The following DLGAP4 variants were observed in gnomAD, a reference collection of about 807,000 sequenced individuals.
DLGAP4 encodes the protein DLG associated protein 4.
A neutral mutation model predicts 86.9 loss-of-function variants in DLGAP4; 18 were observed. The observed-to-expected ratio is 0.21, with a 90% confidence interval of 0.14 to 0.31. DLGAP4 has a LOEUF of 0.31. Among genes scored for constraint, DLGAP4 ranks in the 10% least tolerant of loss-of-function variants. The probability of loss-of-function intolerance (pLI) is 1.00; values close to 1 mark genes in which losing one functional copy is unlikely to be tolerated. For synonymous variants in DLGAP4, 548 were observed against 574.3 expected (o/e 0.95, Z 0.65); for missense variants, 1,085 against 1,362.6 (o/e 0.80, Z 3.21).
chr20:36,468,653 A>G (rs2034525575), intron 7 of DLGAP4, among the ~76,000 whole-genome samples: 1 of 152,196 alleles, frequency 6.6e-6, no homozygotes, highest in African/African-American at 2.4e-5. Flanking sequence ...TCCAGCAAAC[A>G]CCCAGCATCT....
intron 1 of DLGAP4, among the ~76,000 whole-genome samples, chr20:36,352,414 A>AT (rs1214938094): frequency 8.9e-6 from 1 of 112,544 alleles, no homozygotes; most frequent in African/African-American, 3.4e-5. Flanking sequence ...GGGGCCTCTA[A>AT]TTTGGGGGAG....
At chr20:36,441,565 G>A (rs945372016) in intron 5 of DLGAP4, among the ~76,000 whole-genome samples, 4 of 152,150 alleles carry the variant, frequency 2.6e-5, no homozygotes, top group South Asian at 2.1e-4. Context: ...TCCTGGGAGC[G>A]GAGGCCTTGC....
intron 7 of DLGAP4, chr20:36,473,237 C>T (rs1431485558): frequency 6.6e-6 from 1 of 152,248 alleles, no homozygotes. Flanking sequence ...TGGGCACTTA[C>T]TTACCTCCTA....
At chr20:36,458,262 G>A (rs999669626) in intron 7 of DLGAP4, among the ~76,000 whole-genome samples, 1 of 150,204 alleles carries the variant, frequency 6.7e-6, no homozygotes, top group African/African-American at 2.4e-5. Context: ...TGTAATCCCA[G>A]CACTTTGGTA....
At chr20:36,341,446 C>T (rs750279660) in intron 1 of DLGAP4, among the ~76,000 whole-genome samples, 12 of 152,210 alleles carry the variant, frequency 7.9e-5, no homozygotes, top group African/African-American at 2.2e-4. Context: ...CATGTACCAA[C>T]GATGGTGATG....
intron 7 of DLGAP4, among the ~76,000 whole-genome samples, chr20:36,477,870 AGGTCATAC>A (rs1362473705): frequency 2.6e-5 from 4 of 152,238 alleles, no homozygotes; most frequent in Non-Finnish European, 5.9e-5. Flanking sequence ...GACTTGCCCA[AGGTCATAC>A]GGCACTTCAC....
chr20:36,461,688 G>A, intron 7 of DLGAP4: 1 of 184,138 alleles, frequency 5.4e-6, no homozygotes. Flanking sequence ...GCCCTGCCCC[G>A]CCCCCGCCCT....
intron 7 of DLGAP4, among the ~76,000 whole-genome samples, chr20:36,453,347 C>T (rs1382865248): frequency 6.6e-6 from 1 of 152,106 alleles, no homozygotes; most frequent in African/African-American, 2.4e-5. Context: ...CAGAGCAAAA[C>T]CCTGTCTAAA....
chr20:36,382,097 GATTGCAATT>G (rs1326035759), intron 2 of DLGAP4, among the ~76,000 whole-genome samples: 3 of 152,234 alleles, frequency 2.0e-5, no homozygotes, highest in Non-Finnish European at 4.4e-5. Context: ...AAGTGAGGAT[GATTGCAATT>G]ATGGGAGATC....
At chr20:36,525,240 A>C (rs796228720) in intron 11 of DLGAP4, among the ~76,000 whole-genome samples, 2,004 of 127,148 alleles carry the variant, frequency 0.016, 87 homozygotes, top group African/African-American at 0.059. Context: ...AAAAAAAAAA[A>C]AAAAAAAAAA....
intron 7 of DLGAP4, among the ~76,000 whole-genome samples, chr20:36,496,436 G>A (rs1307111821): frequency 6.6e-6 from 1 of 152,252 alleles, no homozygotes; most frequent in Non-Finnish European, 1.5e-5. Flanking sequence ...TAAGGTTTGT[G>A]TGTGACTGAT....
At chr20:36,435,001 C>T (rs1205916095) in intron 3 of DLGAP4, among the ~76,000 whole-genome samples, 1 of 151,692 alleles carries the variant, frequency 6.6e-6, no homozygotes, top group African/African-American at 2.4e-5. Flanking sequence ...GTCCACAGTG[C>T]AGTAGTTGCT....
chr20:36,357,783 G>A (rs568596235), intron 1 of DLGAP4, among the ~76,000 whole-genome samples: 11 of 152,210 alleles, frequency 7.2e-5, no homozygotes, highest in Non-Finnish European at 1.2e-4. Flanking sequence ...GGGATTACAG[G>A]GAAATGTCAT....
intron 10 of DLGAP4, among the ~76,000 whole-genome samples, chr20:36,507,400 G>GTAT (rs1036271852): frequency 3.3e-5 from 5 of 151,954 alleles, no homozygotes; most frequent in African/African-American, 1.2e-4. Flanking sequence ...GCTAATTTTT[G>GTAT]TATTTTTAGT....
At chr20:36,478,498 CA>C (rs2035043640) in intron 7 of DLGAP4, among the ~76,000 whole-genome samples, 1 of 152,162 alleles carries the variant, frequency 6.6e-6, no homozygotes, top group African/African-American at 2.4e-5. Flanking sequence ...GAGCAGCTCC[CA>C]GGGGGTAGAT....
chr20:36,519,245 C>T (rs990678319), intron 10 of DLGAP4, among the ~76,000 whole-genome samples: 1 of 152,140 alleles, frequency 6.6e-6, no homozygotes, highest in African/African-American at 2.4e-5. Context: ...CACCACTGCA[C>T]TCCAGCCTGG....
intron 7 of DLGAP4, among the ~76,000 whole-genome samples, chr20:36,448,673 C>T (rs1242599113): frequency 6.6e-6 from 1 of 152,178 alleles, no homozygotes; most frequent in African/African-American, 2.4e-5. Flanking sequence ...GTGGCTCATG[C>T]CTGTAATCCC....
chr20:36,373,006 T>G (rs1207897785), intron 2 of DLGAP4, among the ~76,000 whole-genome samples: 1 of 152,190 alleles, frequency 6.6e-6, no homozygotes, highest in Non-Finnish European at 1.5e-5. Flanking sequence ...TTTTTTCACT[T>G]TTGTTATGAA....
chr20:36,493,982 A>G (rs985999013), intron 7 of DLGAP4, among the ~76,000 whole-genome samples: 4 of 152,180 alleles, frequency 2.6e-5, no homozygotes, highest in Non-Finnish European at 4.4e-5. Flanking sequence ...CTCCTCTCTC[A>G]GGATGATGTG....
Sources: allele counts gnomAD v4.1 joint callset (sites outside exome capture counted in the v4.1 genomes callset), GRCh38; gene constraint gnomAD v4.1.1; transcripts MANE v1.5; gene names NCBI Gene and HGNC (gene_info 2026-07-23, HGNC 2026-07-21).